Variants in ADGRE5 observed in about 807,000 individuals in gnomAD.
The protein encoded by ADGRE5 is adhesion G protein-coupled receptor E5.
In ADGRE5, 72 loss-of-function variants were observed where a neutral mutation model predicts 100.3. The observed-to-expected ratio is 0.72, with a 90% confidence interval of 0.59 to 0.87. The LOEUF (loss-of-function observed/expected upper bound fraction) is 0.87. Ranked by LOEUF, ADGRE5 falls within the 40% of genes least tolerant of loss-of-function variation. ADGRE5 has a pLI of 0.00. For synonymous variants in ADGRE5, 439 were observed against 447.8 expected (o/e 0.98, Z 0.25); for missense variants, 959 against 1,094.7 (o/e 0.88, Z 1.75).
intron 4 of ADGRE5, 96 bp downstream of exon 4, chr19:14,391,175 A>G: frequency 6.6e-7 from 1 of 1,520,614 alleles, no homozygotes; most frequent in Non-Finnish European, 9.0e-7. Flanking sequence ...CCTTGGTTGT[A>G]GGGTCAGTGC....
intron 3 of ADGRE5, among the ~76,000 whole-genome samples, chr19:14,390,316 G>T (rs1470396756): frequency 1.4e-5 from 2 of 147,788 alleles, no homozygotes; most frequent in Non-Finnish European, 3.0e-5. Flanking sequence ...TGGCTATGAG[G>T]TTTTTTTTTC....
At chr19:14,407,854 G>C in intron 18 of ADGRE5, 54 bp from the exon 19 acceptor site, 1 of 1,446,820 alleles carries the variant, frequency 6.9e-7, no homozygotes, top group Non-Finnish European at 9.7e-7. Flanking sequence ...ATGGGGAGGA[G>C]CGTGCATGGT....
At chr19:14,393,782 C>T (rs548715783) in intron 4 of ADGRE5, among the ~76,000 whole-genome samples, 3 of 152,228 alleles carry the variant, frequency 2.0e-5, no homozygotes, top group Admixed American at 6.5e-5. Context: ...GGCTTCTGTC[C>T]GCCACACTGC....
Position 14,397,185 on chromosome 19 carries a change from C to T in ADGRE5, c.587C>T (p.Pro196Leu), listed in dbSNP as rs760261899. 1.2e-5 allele frequency: 20 copies of T among 1,613,576 alleles called. No individual in the cohort carries two copies. The highest frequency in any genetic ancestry group is 5.0e-5 in the Admixed American group (3 of 59,936). The change falls in exon 6 of 20, where the codon CCG becomes CTG. Residue 196 changes from proline to leucine, a missense_variant. By Grantham distance (98) the Pro-to-Leu change is moderately conservative. This residue lies in a region of ADGRE5 where 83 missense variants were observed against 88.8 expected (regional missense o/e 0.93). Transcript: ENST00000242786. ...CRCRPGWQPI[P>L]GSPNGPNNTV... Reference sequence around the variant, plus strand: ...TGCCGCCCGGGCTGGCAACCGATTCCGGGGTCCCCCAATGGCCCAAACAAT... The same window carrying T: ...TGCCGCCCGGGCTGGCAACCGATTCTGGGGTCCCCCAATGGCCCAAACAAT...
chr19:14,390,322 T>C (rs1975555060), intron 3 of ADGRE5, among the ~76,000 whole-genome samples: 2 of 150,266 alleles, frequency 1.3e-5, no homozygotes, highest in South Asian at 4.2e-4. Context: ...TGAGGTTTTT[T>C]TTTCCTTTTT....
At chr19:14,385,383 TTC>T (rs1042505286) in intron 1 of ADGRE5, among the ~76,000 whole-genome samples, 1 of 151,836 alleles carries the variant, frequency 6.6e-6, no homozygotes, top group East Asian at 1.9e-4. Context: ...TTCTGACTCT[TTC>T]TCTCTCTCTG....
At position 14,408,209 on chromosome 19, in the gene ADGRE5, TCTA is replaced by T. The variant is rs1227380563; in HGVS notation, c.*91_*93del. On this transcript the variant is annotated 3_prime_UTR_variant, in exon 20 of 20. Transcript: ENST00000242786. ...CATCCATCCTCCCTTCGTCCACCACTCTACTCCCTCCACCCTCCCTCCCTGATC... is the reference window on the plus strand; with the variant it reads ...CATCCATCCTCCCTTCGTCCACCACTCTCCCTCCACCCTCCCTCCCTGATC... The T allele has an allele frequency of 7.1e-7, 1 of 1,400,500 alleles. No homozygotes were observed. The highest frequency in any genetic ancestry group is 2.4e-5 in the East Asian group (1 of 41,956). 86.8% of individuals were successfully genotyped at this position (1,400,500 alleles called of 1,614,324 possible). A position where few individuals can be genotyped will look rare whatever the true frequency, so the allele number is the denominator to read the frequency against.
In ADGRE5 at chr19:14,406,010, T is replaced by C; in HGVS notation, c.1821+71T>C. On this transcript the variant is annotated intron_variant, in intron 14 of 19. Coordinates refer to ENST00000242786, the MANE Select transcript of ADGRE5 (RefSeq NM_078481.4). This position sits in a 1 kb window ranked among gnomAD's most constrained non-coding sequence, Gnocchi z 6.0. ...CCTGGGAGGGGTTAGCCCCGCCCAC[T>C]CCCGGGGCTCAGTCGGGTAGGCGGG... 7.4e-7 allele frequency: 1 copy of C among 1,343,078 alleles called. No individual in the cohort carries two copies. The highest frequency in any genetic ancestry group is 1.0e-6 in the Non-Finnish European group (1 of 994,722). 83.2% of individuals were successfully genotyped at this position (1,343,078 alleles called of 1,614,324 possible). A position where few individuals can be genotyped will look rare whatever the true frequency, so the allele number is the denominator to read the frequency against.
intron 13 of ADGRE5, 33 bp downstream of exon 13, chr19:14,404,595 A>G (rs747637140): frequency 1.3e-6 from 2 of 1,594,604 alleles, no homozygotes; most frequent in Admixed American, 1.8e-5. Context: ...AAGTGCCCAC[A>G]GGTAATGAGG....
In ADGRE5 at chr19:14,397,501, C is replaced by T. The variant is rs558096508; in HGVS notation, c.626-157C>T. The T allele has an allele frequency of 7.2e-5, 55 of 760,760 alleles. 1 individual carries two copies. The East Asian group carries it at 1.3e-3, about 18-fold the overall frequency. 47.1% of individuals were successfully genotyped at this position (760,760 alleles called of 1,614,324 possible). A position where few individuals can be genotyped will look rare whatever the true frequency, so the allele number is the denominator to read the frequency against. On this transcript the variant is annotated intron_variant, in intron 6 of 19. Coordinates refer to ENST00000242786, the MANE Select transcript of ADGRE5 (RefSeq NM_078481.4). ...ATAACCTGCTCATCTGCACGGGGCC[C>T]ACCTGCTGTGCCCAGGCCTCTCCAC...
chr19:14,403,022 C>A (rs1237026835), intron 12 of ADGRE5, among the ~76,000 whole-genome samples, 160 bp downstream of exon 12: 2 of 151,970 alleles, frequency 1.3e-5, no homozygotes, highest in Non-Finnish European at 2.9e-5. Context: ...TATTTCCTTA[C>A]TTTATTTATT....
chr19:14,395,112 C>T (rs1975727546), intron 4 of ADGRE5, among the ~76,000 whole-genome samples: 1 of 152,064 alleles, frequency 6.6e-6, no homozygotes, highest in Non-Finnish European at 1.5e-5. Context: ...AGCAGCCTGA[C>T]CAACATGGTG....
intron 5 of ADGRE5, 37 bp downstream of exon 5, chr19:14,396,510 G>C (rs765898353): frequency 6.2e-7 from 1 of 1,613,298 alleles, no homozygotes; most frequent in Non-Finnish European, 8.5e-7. Context: ...GGCTGGACGG[G>C]AGCTGGGGAT....
Position 14,406,144 on chromosome 19 carries a change from G to A in ADGRE5, c.1822-187G>A. Among the ~76,000 whole-genome samples the A allele has an allele frequency of 6.6e-6, 1 of 152,134 alleles. No homozygotes were observed. Among genetic ancestry groups the A allele is most frequent in the East Asian group, 1.9e-4 (1 of 5,170 alleles). On this transcript the variant is annotated intron_variant, in intron 14 of 19. Transcript: ENST00000242786. The surrounding 1 kb of genome is among the most constrained non-coding windows in gnomAD (Gnocchi z 6.0). ...CTTTGGAGCTGCCTGGCCACACCCCGAGTGCCCGCTCGCTTCTGAGCGTTG... is the reference window on the plus strand; with the variant it reads ...CTTTGGAGCTGCCTGGCCACACCCCAAGTGCCCGCTCGCTTCTGAGCGTTG...
intron 9 of ADGRE5, chr19:14,398,461 A>G (rs1032571232): frequency 1.7e-5 from 5 of 295,722 alleles, no homozygotes; most frequent in African/African-American, 1.1e-4. Context: ...CGCGGTCAGG[A>G]GATCGAGACC....
chr19:14,396,702 C>T (rs1035858095), intron 5 of ADGRE5, among the ~76,000 whole-genome samples: 4 of 152,226 alleles, frequency 2.6e-5, no homozygotes, highest in Admixed American at 2.6e-4. Flanking sequence ...CCAGACCTCA[C>T]CCCTTCCTCA....
At chr19:14,382,272 C>T (rs1975185306) in intron 1 of ADGRE5, among the ~76,000 whole-genome samples, 1 of 152,196 alleles carries the variant, frequency 6.6e-6, no homozygotes, top group Non-Finnish European at 1.5e-5. Context: ...CCTGGGCCAG[C>T]CCCAAGTGGC....
chr19:14,391,424 A>G (rs1252022461), intron 4 of ADGRE5: 1 of 290,624 alleles, frequency 3.4e-6, no homozygotes, highest in African/African-American at 2.2e-5. Context: ...GGATCTCTTG[A>G]GGCCAGGAGT....
chr19:14,405,722 C>T lies in ADGRE5; in HGVS notation c.1630-26C>T, dbSNP rs373088351. 62 of 1,585,190 alleles carry T rather than the reference C, an allele frequency of 3.9e-5. 1 individual carries two copies. In the Middle Eastern group the frequency reaches 5.0e-4, roughly 13 times the overall value. ...AGGAAGGCCTCATGCCCTGAAGGAA[C>T]CCTGAGCACCCGGTGCCACTCCTAG... On this transcript the variant is annotated intron_variant, in intron 13 of 19. Coordinates refer to ENST00000242786, the MANE Select transcript of ADGRE5 (RefSeq NM_078481.4).
Sources: allele counts gnomAD v4.1 joint callset (sites outside exome capture counted in the v4.1 genomes callset), GRCh38; gene constraint gnomAD v4.1.1; regional missense constraint gnomAD v4.1.1; non-coding constraint Gnocchi (gnomAD v3.1); transcripts MANE v1.5; gene names NCBI Gene and HGNC (gene_info 2026-07-23, HGNC 2026-07-21).